Variants in ARHGAP20 observed in about 807,000 individuals in gnomAD.
The protein encoded by ARHGAP20 is rho GTPase-activating protein 20.
In ARHGAP20, 34 loss-of-function variants were observed where a neutral mutation model predicts 73.7. That is an observed-to-expected ratio of 0.46 (90% CI 0.35 to 0.61). The LOEUF is 0.61. Ranked by LOEUF, ARHGAP20 falls within the 20% of genes least tolerant of loss-of-function variation. The pLI, the probability that ARHGAP20 is intolerant of heterozygous loss-of-function variation, is 0.00. For synonymous variants in ARHGAP20, 523 were observed against 518.2 expected, an observed-to-expected ratio of 1.01 and a Z score of -0.13; for missense variants, 1,314 against 1,420.9, an observed-to-expected ratio of 0.92 and a Z score of 1.21.
intron 10 of ARHGAP20, 83 bp downstream of exon 10, chr11:110,591,894 C>A (rs982925741): frequency 8.5e-6 from 12 of 1,406,066 alleles, no homozygotes; most frequent in African/African-American, 2.9e-5. Flanking sequence ...ATAATTTTTC[C>A]ATTTGGGGAC....
At chr11:110,683,662 T>A (rs1468784932) in intron 2 of ARHGAP20, among the ~76,000 whole-genome samples, 1 of 152,148 alleles carries the variant, frequency 6.6e-6, no homozygotes, top group Non-Finnish European at 1.5e-5. Flanking sequence ...AGGGTGGTTA[T>A]CACACTATGC....
intron 2 of ARHGAP20, among the ~76,000 whole-genome samples, chr11:110,660,064 A>AAAAAAAAAAACAAAAAAAAAAAAAAC (rs1555097585): frequency 1.5e-3 from 195 of 128,708 alleles, no homozygotes; most frequent in African/African-American, 6.6e-3. Flanking sequence ...TAAAAAACAA[A>AAAAAAAAAAACAAAAAAAAAAAAAAC]AAAAAAAAAA....
rs953495666 is a variant in ARHGAP20, at chr11:110,662,087, T to C, written c.188+28460A>G. Among the ~76,000 whole-genome samples the C allele has an allele frequency of 3.9e-5, 6 of 152,028 alleles. No homozygotes were observed. In the South Asian group the frequency reaches 8.3e-4, roughly 21 times the overall value. On this transcript the variant is annotated intron_variant, in intron 2 of 14. Coordinates refer to ENST00000683387, the MANE Select transcript of ARHGAP20 (RefSeq NM_001384657.1). Reference sequence around the variant, plus strand: ...GAGTAATCCTACAGCTATATCATTATGTGAAAAAATAGGGTGGAAAAGTAT... The same window carrying C: ...GAGTAATCCTACAGCTATATCATTACGTGAAAAAATAGGGTGGAAAAGTAT...
chr11:110,691,202 TATATAA>T (rs1950235819), intron 1 of ARHGAP20, among the ~76,000 whole-genome samples: 1 of 152,166 alleles, frequency 6.6e-6, no homozygotes, highest in African/African-American at 2.4e-5. Flanking sequence ...TTCTAGGTGG[TATATAA>T]ATATAAGACG....
chr11:110,705,241 G>A (rs1007957430), intron 1 of ARHGAP20, among the ~76,000 whole-genome samples: 1 of 152,118 alleles, frequency 6.6e-6, no homozygotes, highest in African/African-American at 2.4e-5. Context: ...GTTATTGATT[G>A]GAGAGGATTT....
At chr11:110,626,246 CA>C (rs1948741301) in intron 3 of ARHGAP20, among the ~76,000 whole-genome samples, 1 of 152,164 alleles carries the variant, frequency 6.6e-6, no homozygotes, top group South Asian at 2.1e-4. Flanking sequence ...GTCTCTATCT[CA>C]GTAGATGCTG....
At chr11:110,581,308 A>C in intron 14 of ARHGAP20, 83 bp from the exon 15 acceptor site, 1 of 1,340,682 alleles carries the variant, frequency 7.5e-7, no homozygotes, top group East Asian at 2.4e-5. Flanking sequence ...TTCTCTTTTC[A>C]TGTGAAGTGT....
At chr11:110,589,590 G>C (rs1947769109) in intron 11 of ARHGAP20, 1 of 985,436 alleles carries the variant, frequency 1.0e-6, no homozygotes, top group African/African-American at 1.7e-5. Context: ...GTCTGCAGAA[G>C]ATACTGCTAA....
chr11:110,707,999 C>T (rs1189978323), intron 1 of ARHGAP20, among the ~76,000 whole-genome samples: 1 of 151,436 alleles, frequency 6.6e-6, no homozygotes, highest in Non-Finnish European at 1.5e-5. Flanking sequence ...AATTGTATTT[C>T]ACCAAAAATA....
intron 1 of ARHGAP20, among the ~76,000 whole-genome samples, chr11:110,695,107 T>C (rs1950311380): frequency 6.6e-6 from 1 of 151,596 alleles, no homozygotes; most frequent in Non-Finnish European, 1.5e-5. Context: ...TAATCATTTG[T>C]CAACAAATAA....
chr11:110,712,841 CAG>C (rs1180727720), upstream of ARHGAP20: 11 of 152,450 alleles, frequency 7.2e-5, no homozygotes, highest in African/African-American at 2.7e-4. Flanking sequence ...TCAGCCTGAG[CAG>C]AGGAGTTGCA....
intron 12 of ARHGAP20, among the ~76,000 whole-genome samples, chr11:110,584,943 A>G (rs12282768): frequency 3.1e-5 from 4 of 128,236 alleles, no homozygotes; most frequent in Non-Finnish European, 6.7e-5. Flanking sequence ...ATATGTGTAT[A>G]TGAATATATG....
intron 2 of ARHGAP20, among the ~76,000 whole-genome samples, chr11:110,639,753 G>T (rs111601020): frequency 2.4e-4 from 37 of 152,056 alleles, no homozygotes; most frequent in African/African-American, 8.4e-4. Context: ...TCATGTTGTA[G>T]CATGTATTAG....
At chr11:110,583,029 C>A (rs1012846265) in intron 13 of ARHGAP20, among the ~76,000 whole-genome samples, 1 of 152,194 alleles carries the variant, frequency 6.6e-6, no homozygotes, top group African/African-American at 2.4e-5. Context: ...AGTTCCCTTG[C>A]CCCAGTAGCT....
At chr11:110,677,735 G>A (rs12805297) in intron 2 of ARHGAP20, among the ~76,000 whole-genome samples, 23,889 of 152,006 alleles carry the variant, frequency 0.16, 1,934 homozygotes, top group South Asian at 0.29. Context: ...AAAATAACAA[G>A]CACTGGTAAG....
chr11:110,585,139 A>ATATGAATATATACATAT (rs2134800330), intron 12 of ARHGAP20, among the ~76,000 whole-genome samples: 1 of 151,756 alleles, frequency 6.6e-6, no homozygotes, highest in East Asian at 1.9e-4. Flanking sequence ...GTGAATGTAT[A>ATATGAATATATACATAT]TATGAATATA....
intron 12 of ARHGAP20, among the ~76,000 whole-genome samples, chr11:110,584,052 G>T (rs10488766): frequency 0.021 from 3,173 of 151,582 alleles, 46 homozygotes; most frequent in Non-Finnish European, 0.031. Context: ...GCAAACTTAG[G>T]CCAATCCTGT....
chr11:110,711,995 G>C lies in ARHGAP20; in HGVS notation c.105+132C>G, dbSNP rs1333751096. 3 of 1,239,744 alleles carry C rather than the reference G, an allele frequency of 2.4e-6. No homozygotes were observed. The African/African-American group carries it at 4.7e-5, about 19-fold the overall frequency. 76.8% of individuals were successfully genotyped at this position (1,239,744 alleles called of 1,614,324 possible). A position where few individuals can be genotyped will look rare whatever the true frequency, so the allele number is the denominator to read the frequency against. On this transcript the variant is annotated intron_variant, in intron 1 of 14. Coordinates refer to ENST00000683387, the MANE Select transcript of ARHGAP20 (RefSeq NM_001384657.1). Reference sequence around the variant, plus strand: ...GGGAAGTGTTCTGGGACTCTCATTAGGGGCCGCGAGCCTCGAGCGTCAAAT... The same window carrying C: ...GGGAAGTGTTCTGGGACTCTCATTACGGGCCGCGAGCCTCGAGCGTCAAAT...
chr11:110,644,786 C>T (rs1329489086), intron 2 of ARHGAP20, among the ~76,000 whole-genome samples: 2 of 152,062 alleles, frequency 1.3e-5, no homozygotes, highest in Non-Finnish European at 2.9e-5. Flanking sequence ...CAAAAACTGT[C>T]AAGTGGGACC....
Sources: allele counts gnomAD v4.1 joint callset (sites outside exome capture counted in the v4.1 genomes callset), GRCh38; gene constraint gnomAD v4.1.1; transcripts MANE v1.5; gene names NCBI Gene and HGNC (gene_info 2026-07-23, HGNC 2026-07-21).